Variants in RNF128 observed in about 807,000 individuals in gnomAD.
The protein encoded by RNF128 is ring finger protein 128.
Under a neutral mutation model 26.2 loss-of-function variants are expected in RNF128, and 13 were observed. That is an observed-to-expected ratio of 0.50 (90% CI 0.32 to 0.79). The LOEUF (loss-of-function observed/expected upper bound fraction) is 0.79, where lower values mean the gene tolerates loss of function less well. Among genes scored for constraint, RNF128 ranks in the 30% least tolerant of loss-of-function variants. RNF128 has a pLI of 0.03. For synonymous variants in RNF128, 149 were observed against 142.5 expected (o/e 1.05, Z -0.32); for missense variants, 315 against 349.7 (o/e 0.90, Z 0.79).
At position 106,793,211 on chromosome X, in the gene RNF128, G is replaced by C. The variant is rs1930857965; in HGVS notation, c.1153+1977G>C. Among the ~76,000 whole-genome samples, 3 of 110,412 alleles carry C rather than the reference G, an allele frequency of 2.7e-5. No homozygotes were observed. The Admixed American group carries it at 2.9e-4, about 11-fold the overall frequency. On this transcript the variant is annotated intron_variant, in intron 6 of 6. Transcript: ENST00000255499. Reference sequence around the variant, plus strand: ...GTGATACTGATTCTACTAGTCCAGGGACCACATTTTGAGAACCATTGAATA... The same window carrying C: ...GTGATACTGATTCTACTAGTCCAGGCACCACATTTTGAGAACCATTGAATA...
intron 1 of RNF128, among the ~76,000 whole-genome samples, chrX:106,737,942 C>T (rs1415670342): frequency 8.9e-6 from 1 of 112,233 alleles, no homozygotes; most frequent in Non-Finnish European, 1.9e-5. Context: ...ATTTTTGCTG[C>T]TCCTCTATGG....
At chrX:106,788,097 T>TA in intron 4 of RNF128, 97 bp downstream of exon 4, 1 of 433,252 alleles carries the variant, frequency 2.3e-6, no homozygotes, top group East Asian at 4.5e-5. Flanking sequence ...CAAATTAATG[T>TA]AAAAAATGTT....
Position 106,716,217 on chromosome X carries a change from T to C in RNF128, c.406+21809T>C, listed in dbSNP as rs73247954. 8.9e-3 allele frequency among the ~76,000 whole-genome samples: 1,000 copies of C among 111,999 alleles called. 8 individuals are homozygous for C. The highest frequency in any genetic ancestry group is 0.015 in the Non-Finnish European group (773 of 53,283). On this transcript the variant is annotated intron_variant, in intron 1 of 6. Transcript: ENST00000324342. ...AGTCAGAGGCAAACATTCCTGCCTCTATTCTAGCACAGGACTTTGTACTCC... is the reference window on the plus strand; with the variant it reads ...AGTCAGAGGCAAACATTCCTGCCTCCATTCTAGCACAGGACTTTGTACTCC...
intron 1 of RNF128, among the ~76,000 whole-genome samples, chrX:106,713,332 A>G (rs1396939867): frequency 1.8e-5 from 2 of 109,405 alleles, no homozygotes; most frequent in Non-Finnish European, 3.8e-5. Context: ...AACAGGGCGA[A>G]ACCCCGTCTC....
At chrX:106,705,839 CA>C (rs1929034475) in intron 1 of RNF128, among the ~76,000 whole-genome samples, 1 of 111,645 alleles carries the variant, frequency 9.0e-6, no homozygotes, top group Non-Finnish European at 1.9e-5. Flanking sequence ...TTAGTTTTCT[CA>C]AAAAGCCAGG....
chrX:106,694,529 T>C, intron 1 of RNF128: 1 of 429,997 alleles, frequency 2.3e-6, no homozygotes, highest in Non-Finnish European at 3.7e-6. Context: ...TTAAATTTTC[T>C]TGCCTGGCAC....
Position 106,726,829 on chromosome X carries a change from C to A in RNF128, c.-85C>A, listed in dbSNP as rs1164144667. 4 of 1,089,993 alleles carry A rather than the reference C, an allele frequency of 3.7e-6. No homozygotes were observed. The highest frequency in any genetic ancestry group is 4.7e-6 in the Non-Finnish European group (4 of 843,304). 89.8% of individuals were successfully genotyped at this position (1,089,993 alleles called of 1,213,427 possible). A position where few individuals can be genotyped will look rare whatever the true frequency, so the allele number is the denominator to read the frequency against. On this transcript the variant is annotated 5_prime_UTR_variant, in exon 1 of 7. Transcript: ENST00000255499. ...CTCACTCCATTCCTTCCCCACCTGG[C>A]GCGCACCTGCTCAAGACCAGGGTCC... is the stretch of plus-strand genomic sequence containing the variant.
intron 1 of RNF128, among the ~76,000 whole-genome samples, chrX:106,740,619 G>C: frequency 9.0e-6 from 1 of 111,112 alleles, no homozygotes. Flanking sequence ...ATCCAGGCTG[G>C]AGTGCAGTGG....
chrX:106,726,766 G>A lies in RNF128; in HGVS notation c.-148G>A. ...GCGGCAACCTGTGTGCTGACGCTAC[G>A]TGCCTCCTGGCTCCGACGTAGCTCG... On this transcript the variant is annotated 5_prime_UTR_variant, in exon 1 of 7. In the 5' UTR this introduces an upstream ATG that the reference lacks. Transcript: ENST00000255499. The A allele has an allele frequency of 2.8e-6, 3 of 1,065,746 alleles. No individual in the cohort carries two copies. The highest frequency in any genetic ancestry group is 3.6e-6 in the Non-Finnish European group (3 of 831,114). The allele number at this position is 1,065,746 out of a possible 1,213,427, so 87.8% of individuals were successfully genotyped here. A position where few individuals can be genotyped will look rare whatever the true frequency, so the allele number is the denominator to read the frequency against.
intron 1 of RNF128, among the ~76,000 whole-genome samples, chrX:106,711,129 A>T (rs974104026): frequency 1.8e-5 from 2 of 112,127 alleles, no homozygotes; most frequent in African/African-American, 6.5e-5. Flanking sequence ...CAAAACACCC[A>T]CTTAATTTAT....
chrX:106,770,091 G>A (rs1930343012), intron 1 of RNF128, among the ~76,000 whole-genome samples: 1 of 112,071 alleles, frequency 8.9e-6, no homozygotes, highest in Non-Finnish European at 1.9e-5. Flanking sequence ...CTTCTGATTT[G>A]TAGAGTTTCT....
At chrX:106,716,565 T>C (rs1168582641) in intron 1 of RNF128, among the ~76,000 whole-genome samples, 1 of 110,982 alleles carries the variant, frequency 9.0e-6, no homozygotes, top group Non-Finnish European at 1.9e-5. Context: ...AACCATATAC[T>C]AAAAAGGGTG....
chrX:106,795,554 C>T (rs1230254522), intron 6 of RNF128, 26 bp from the exon 7 acceptor site: 1 of 1,170,445 alleles, frequency 8.5e-7, no homozygotes, highest in East Asian at 3.0e-5. Context: ...GCAAAATCAT[C>T]CTAAAATTGC....
At chrX:106,738,349 G>T (rs1159242073) in intron 1 of RNF128, among the ~76,000 whole-genome samples, 1 of 111,557 alleles carries the variant, frequency 9.0e-6, no homozygotes, top group Non-Finnish European at 1.9e-5. Flanking sequence ...TTGAACCTTT[G>T]CTAATAATTT....
At chrX:106,791,761 A>G (rs1930829852) in intron 6 of RNF128, among the ~76,000 whole-genome samples, 1 of 111,578 alleles carries the variant, frequency 9.0e-6, no homozygotes, top group Non-Finnish European at 1.9e-5. Context: ...AATTGAATAT[A>G]TCATTTTCAA....
At chrX:106,792,061 T>C (rs1014249165) in intron 6 of RNF128, among the ~76,000 whole-genome samples, 3 of 111,250 alleles carry the variant, frequency 2.7e-5, no homozygotes, top group African/African-American at 6.5e-5. Context: ...ATCAGTGCCA[T>C]AGATACCACT....
chrX:106,759,069 A>G (rs1271600127), intron 1 of RNF128, among the ~76,000 whole-genome samples: 7 of 112,164 alleles, frequency 6.2e-5, no homozygotes, highest in Non-Finnish European at 1.1e-4. Context: ...ATACTTAAGG[A>G]GCTGAAATCA....
At chrX:106,715,963 A>T (rs1286348349) in intron 1 of RNF128, among the ~76,000 whole-genome samples, 1 of 111,792 alleles carries the variant, frequency 8.9e-6, no homozygotes, top group Non-Finnish European at 1.9e-5. Flanking sequence ...TTCAAGGTCA[A>T]CAAAGCCCTA....
intron 1 of RNF128, among the ~76,000 whole-genome samples, chrX:106,710,615 G>A (rs1421121288): frequency 9.2e-6 from 1 of 109,210 alleles, no homozygotes; most frequent in African/African-American, 3.3e-5. Context: ...AAATTAGCAG[G>A]GCATGGTGGC....
Sources: allele counts gnomAD v4.1 joint callset (sites outside exome capture counted in the v4.1 genomes callset), GRCh38; gene constraint gnomAD v4.1.1; transcripts MANE v1.5; gene names NCBI Gene and HGNC (gene_info 2026-07-23, HGNC 2026-07-21).